Variants in LSAMP observed in about 807,000 individuals in gnomAD.
LSAMP encodes limbic system-associated membrane protein.
LSAMP carries 7 observed loss-of-function variants against 38.6 expected under a neutral mutation model. The ratio of observed to expected loss-of-function variants is 0.18; its 90% CI spans 0.10 to 0.34. The LOEUF is 0.34. LSAMP is among the 10% of genes least tolerant of loss of function. LSAMP has a pLI of 1.00. For synonymous variants in LSAMP, 154 were observed against 166.8 expected (o/e 0.92, Z 0.59); for missense variants, 313 against 420.0 (o/e 0.75, Z 2.23).
At chr3:115,886,491 A>G (rs1402526595) in intron 3 of LSAMP, among the ~76,000 whole-genome samples, 3 of 151,964 alleles carry the variant, frequency 2.0e-5, no homozygotes, top group Non-Finnish European at 2.9e-5. Flanking sequence ...AAGAATCTAC[A>G]TCCAAGCAAA....
chr3:115,846,406 A>C (rs1265243567), intron 4 of LSAMP, among the ~76,000 whole-genome samples: 2 of 152,258 alleles, frequency 1.3e-5, no homozygotes, highest in Non-Finnish European at 2.9e-5. Flanking sequence ...GAAATAAAAT[A>C]TCATTCATTT....
chr3:115,914,748 T>C lies in LSAMP; in HGVS notation c.515-62131A>G, dbSNP rs140156468. ...ACTGCTCCTTGTTCCCCATAGATCTTTCCTTTTAGCTGCATATCACATAAA... is the reference window on the plus strand; with the variant it reads ...ACTGCTCCTTGTTCCCCATAGATCTCTCCTTTTAGCTGCATATCACATAAA... On this transcript the variant is annotated intron_variant, in intron 3 of 6. Transcript: ENST00000490035. Among the ~76,000 whole-genome samples the C allele has an allele frequency of 8.5e-4, 129 of 152,280 alleles. No homozygotes were observed. The Middle Eastern group carries it at 0.02, about 24-fold the overall frequency.
At chr3:115,830,202 G>A (rs1398318344) in intron 6 of LSAMP, among the ~76,000 whole-genome samples, 3 of 152,282 alleles carry the variant, frequency 2.0e-5, no homozygotes, top group Non-Finnish European at 4.4e-5. Context: ...CTCTGCTCAA[G>A]TTTTTAAAAA....
intron 3 of LSAMP, among the ~76,000 whole-genome samples, chr3:115,944,467 T>C (rs1938030854): frequency 6.6e-6 from 1 of 152,142 alleles, no homozygotes. Flanking sequence ...ATAGTTTAAT[T>C]GTTCCTGATG....
At chr3:116,081,386 A>T (rs1407287680) in intron 2 of LSAMP, among the ~76,000 whole-genome samples, 1 of 152,062 alleles carries the variant, frequency 6.6e-6, no homozygotes, top group African/African-American at 2.4e-5. Context: ...CCTGGGAAGC[A>T]GAGGTTGCAG....
Position 116,366,258 on chromosome 3 carries a change from T to C in LSAMP, c.155+78619A>G, listed in dbSNP as rs556168101. Among the ~76,000 whole-genome samples, 10 of 151,992 alleles carry C rather than the reference T, an allele frequency of 6.6e-5. No individual in the cohort carries two copies. The South Asian group carries it at 1.5e-3, about 22-fold the overall frequency. On this transcript the variant is annotated intron_variant, in intron 1 of 6. Transcript: ENST00000490035. The stretch of plus-strand genomic sequence containing the variant: ...AAAACATACATGTGGCCAACAAACA[T>C]AGGAAGTAACTTTTTGTTTCCCTAC...
chr3:116,195,668 T>C (rs563147430), intron 1 of LSAMP, among the ~76,000 whole-genome samples: 1 of 147,200 alleles, frequency 6.8e-6, no homozygotes, highest in Non-Finnish European at 1.5e-5. Context: ...AGTAAATGAA[T>C]ATATTTTTAA....
chr3:115,869,619 A>G (rs564936174), intron 3 of LSAMP, among the ~76,000 whole-genome samples: 7 of 152,228 alleles, frequency 4.6e-5, no homozygotes, highest in African/African-American at 1.7e-4. Flanking sequence ...GAATATGATG[A>G]ACAGTGCCCA....
intron 1 of LSAMP, among the ~76,000 whole-genome samples, chr3:116,352,172 C>T (rs188440178): frequency 8.5e-5 from 13 of 152,194 alleles, no homozygotes; most frequent in African/African-American, 2.9e-4. Flanking sequence ...GACGTTTCCA[C>T]CACTAGGGTA....
At chr3:116,232,764 A>C (rs1305514587) in intron 1 of LSAMP, among the ~76,000 whole-genome samples, 1 of 132,032 alleles carries the variant, frequency 7.6e-6, no homozygotes, top group Non-Finnish European at 1.5e-5. Flanking sequence ...CTAGTCTCAG[A>C]TGAGCATAGG....
intron 6 of LSAMP, among the ~76,000 whole-genome samples, chr3:115,819,934 T>C (rs545286133): frequency 1.3e-5 from 2 of 152,276 alleles, no homozygotes; most frequent in Admixed American, 6.5e-5. Flanking sequence ...TGTGTTGCCA[T>C]CTTGTGGTAA....
chr3:116,009,968 G>T (rs181379135), intron 3 of LSAMP, among the ~76,000 whole-genome samples: 2 of 152,284 alleles, frequency 1.3e-5, no homozygotes, highest in African/African-American at 4.8e-5. Context: ...CCAGGCTGGA[G>T]TGCAGTGGTA....
intron 2 of LSAMP, among the ~76,000 whole-genome samples, chr3:116,042,512 C>A (rs1183959452): frequency 6.6e-6 from 1 of 151,570 alleles, no homozygotes; most frequent in African/African-American, 2.4e-5. Flanking sequence ...TCATTGCAAC[C>A]TCTGCCTCCT....
At chr3:116,411,586 C>G (rs1383114667) in intron 1 of LSAMP, among the ~76,000 whole-genome samples, 1 of 127,962 alleles carries the variant, frequency 7.8e-6, no homozygotes, top group South Asian at 2.4e-4. Context: ...TGAGAACACA[C>G]AGACACAGGA....
chr3:116,183,060 A>G (rs1710525582), intron 1 of LSAMP, among the ~76,000 whole-genome samples: 2 of 151,826 alleles, frequency 1.3e-5, no homozygotes, highest in Non-Finnish European at 2.9e-5. Context: ...CCTTATTGAT[A>G]GATTTTGACT....
chr3:116,382,483 A>G (rs1313359195), intron 1 of LSAMP, among the ~76,000 whole-genome samples: 1 of 140,110 alleles, frequency 7.1e-6, no homozygotes, highest in Non-Finnish European at 1.5e-5. Context: ...GAAGGGGAAC[A>G]TCACACACCG....
chr3:116,313,779 C>A (rs954665220), intron 1 of LSAMP, among the ~76,000 whole-genome samples: 3 of 152,162 alleles, frequency 2.0e-5, no homozygotes, highest in Non-Finnish European at 4.4e-5. Flanking sequence ...CATGGTGAAA[C>A]CCTGTCTGTA....
At chr3:116,269,111 C>G (rs1375981756) in intron 1 of LSAMP, among the ~76,000 whole-genome samples, 1 of 152,064 alleles carries the variant, frequency 6.6e-6, no homozygotes, top group South Asian at 2.1e-4. Flanking sequence ...CATCCCCTCC[C>G]ACACACCAAG....
intron 1 of LSAMP, among the ~76,000 whole-genome samples, chr3:116,140,267 C>G (rs1709341678): frequency 1.3e-5 from 2 of 151,944 alleles, no homozygotes; most frequent in Non-Finnish European, 2.9e-5. Context: ...TGCAATAACT[C>G]TAACAAACCA....
Sources: allele counts gnomAD v4.1 joint callset (sites outside exome capture counted in the v4.1 genomes callset), GRCh38; gene constraint gnomAD v4.1.1; transcripts MANE v1.5; gene names NCBI Gene and HGNC (gene_info 2026-07-23, HGNC 2026-07-21).